The following CDH1 variants were observed in gnomAD, a reference collection of about 807,000 sequenced individuals.
CDH1 encodes cadherin-1.
CDH1 carries 35 observed loss-of-function variants against 84.5 expected under a neutral mutation model. The observed-to-expected ratio is 0.41, with a 90% CI of 0.32 to 0.55. The LOEUF is 0.55. Among genes scored for constraint, CDH1 ranks in the 20% least tolerant of loss-of-function variants. CDH1 has a pLI of 0.19. For missense variants in CDH1, 994 were observed against 1,126.6 expected (o/e 0.88, Z 1.68); for synonymous variants, 417 against 439.0 (o/e 0.95, Z 0.63).
At chr16:68,818,094 G>C (rs12598345) in intron 10 of CDH1, among the ~76,000 whole-genome samples, 3 of 151,700 alleles carry the variant, frequency 2.0e-5, no homozygotes, top group African/African-American at 7.3e-5. Flanking sequence ...CAAAAAATTA[G>C]CCGGGCGTGG....
At chr16:68,816,190 G>C (rs1960982970) in intron 10 of CDH1, among the ~76,000 whole-genome samples, 2 of 152,210 alleles carry the variant, frequency 1.3e-5, no homozygotes, top group African/African-American at 2.4e-5. Flanking sequence ...GCTAATTTTT[G>C]TATTTTTAGT....
chr16:68,801,889 A>G lies in CDH1; in HGVS notation c.383A>G (p.His128Arg), dbSNP rs1960525322. 6.2e-7 allele frequency: 1 copy of G among 1,613,180 alleles called. No homozygotes were observed. Among genetic ancestry groups the G allele is most frequent in the Non-Finnish European group, 8.5e-7 (1 of 1,179,204 alleles). Residue 128 changes from histidine (H) to arginine (R), a missense_variant, in exon 3 of 16, where the codon CAT becomes CGT. By Grantham distance (29) the His-to-Arg change is conservative (BLOSUM62 0). Coordinates refer to ENST00000261769, the MANE Select transcript of CDH1 (RefSeq NM_004360.5). ...TVGHHHRPPP[H>R]QASVSGIQAE... ...GGGCACCACCACCGCCCCCCGCCCC[A>G]TCAGGTATGTTGGCATTTTTCTGAG...
At chr16:68,748,106 ATTTACTTTT>A (rs901759873) in intron 2 of CDH1, among the ~76,000 whole-genome samples, 1 of 112,386 alleles carries the variant, frequency 8.9e-6, no homozygotes, top group Non-Finnish European at 1.8e-5. Context: ...TTTAAAAATT[ATTTACTTTT>A]TTTTTTTTTT....
At chr16:68,810,826 A>G (rs958304196) in intron 6 of CDH1, among the ~76,000 whole-genome samples, 1 of 151,438 alleles carries the variant, frequency 6.6e-6, no homozygotes, top group African/African-American at 2.4e-5. Context: ...AGATCACGCC[A>G]CTGCACTCCA....
chr16:68,798,789 G>A (rs1482518745), intron 2 of CDH1, among the ~76,000 whole-genome samples: 1 of 152,046 alleles, frequency 6.6e-6, no homozygotes, highest in Non-Finnish European at 1.5e-5. Flanking sequence ...GGTGGGGGAG[G>A]ACTCTTTGAA....
chr16:68,787,024 A>G (rs1960069980), intron 2 of CDH1, among the ~76,000 whole-genome samples: 3 of 152,176 alleles, frequency 2.0e-5, no homozygotes, highest in African/African-American at 7.2e-5. Flanking sequence ...AATGATTCAA[A>G]GGTTCTGAAT....
In CDH1 at chr16:68,819,379, C is replaced by T. The variant is rs559270110; in HGVS notation, c.1665C>T (p.His555=). 5 of 1,613,946 alleles carry T rather than the reference C, an allele frequency of 3.1e-6. No homozygotes were observed. The highest frequency in any genetic ancestry group is 4.2e-6 in the Non-Finnish European group (5 of 1,180,024). ...AGCTGGACAGGGAGGATTTTGAGCA[C>T]GTGAAGAACAGCACGTACACAGCCC... ...RAELDREDFE[H]VKNSTYTALI... is the part of the protein sequence containing the mutation. The change falls in exon 11 of 16, where the codon CAC becomes CAT. Residue 555 remains histidine (H), a synonymous_variant. Transcript: ENST00000261769.
rs774601444 is a variant in CDH1 at position 68,808,416 on chromosome 16, C to T, written c.388-8C>T. 2.8e-5 allele frequency: 45 copies of T among 1,614,028 alleles called. No homozygotes were observed. The highest frequency in any genetic ancestry group is 3.6e-5 in the Non-Finnish European group (43 of 1,180,000). ...TCTTATCTTGTTCCTCATCTTCTTT[C>T]CTTTTAGGCCTCCGTTTCTGGAATC... On this transcript the variant is annotated splice_polypyrimidine_tract_variant and splice_region_variant and intron_variant, in intron 3 of 15. Transcript: ENST00000261769.
chr16:68,825,774 C>T (rs914226580), intron 13 of CDH1, among the ~76,000 whole-genome samples: 8 of 147,314 alleles, frequency 5.4e-5, no homozygotes, highest in Non-Finnish European at 1.0e-4. Flanking sequence ...ATAGTGGTTA[C>T]TGACCAGTAC....
chr16:68,821,919 G>T, intron 11 of CDH1, 82 bp from the exon 12 acceptor site: 5 of 1,110,056 alleles, frequency 4.5e-6, no homozygotes, highest in Non-Finnish European at 6.9e-6. Flanking sequence ...GCCAGGACAA[G>T]ATCTAGACTT....
chr16:68,760,938 G>A (rs1959215346), intron 2 of CDH1, among the ~76,000 whole-genome samples: 2 of 152,160 alleles, frequency 1.3e-5, no homozygotes, highest in Admixed American at 6.5e-5. Flanking sequence ...AGCCTAGAGA[G>A]GTGGGGGCGG....
At chr16:68,782,630 G>A (rs1161814703) in intron 2 of CDH1, among the ~76,000 whole-genome samples, 4 of 152,182 alleles carry the variant, frequency 2.6e-5, no homozygotes, top group African/African-American at 7.2e-5. Context: ...TTGAGGGGGC[G>A]TTCAGGAGGC....
At position 68,813,243 on chromosome 16, in the gene CDH1, T is replaced by C; in HGVS notation, c.1138-70T>C. ...GAACAACAAAAAAAGAGGAATCCTT[T>C]AGCCCCCTGAGACTCAGCTCTGCTA... On this transcript the variant is annotated intron_variant, in intron 8 of 15. Transcript: ENST00000261769. The C allele has an allele frequency of 2.1e-6, 3 of 1,459,384 alleles. No individual in the cohort carries two copies. In the South Asian group the frequency reaches 3.4e-5, roughly 17 times the overall value. 90.4% of individuals were successfully genotyped at this position (1,459,384 alleles called of 1,614,324 possible). A position where few individuals can be genotyped will look rare whatever the true frequency, so the allele number is the denominator to read the frequency against.
At chr16:68,762,070 C>T (rs1959234914) in intron 2 of CDH1, among the ~76,000 whole-genome samples, 1 of 152,214 alleles carries the variant, frequency 6.6e-6, no homozygotes, top group Non-Finnish European at 1.5e-5. Flanking sequence ...GAGCTGAGCA[C>T]AGAGGTCTGG....
chr16:68,760,571 C>G (rs1157823681), intron 2 of CDH1, among the ~76,000 whole-genome samples: 1 of 152,116 alleles, frequency 6.6e-6, no homozygotes. Flanking sequence ...CATTCTTTCT[C>G]TTTAATCTGG....
chr16:68,802,030 T>C, intron 3 of CDH1, 137 bp downstream of exon 3: 1 of 764,624 alleles, frequency 1.3e-6, no homozygotes, highest in Admixed American at 2.0e-5. Flanking sequence ...CTGTGTAGGA[T>C]GTTTAGCAAG....
At chr16:68,818,202 T>C (rs1355528492) in intron 10 of CDH1, among the ~76,000 whole-genome samples, 2 of 141,650 alleles carry the variant, frequency 1.4e-5, no homozygotes, top group African/African-American at 5.5e-5. Context: ...ATCACGCCAC[T>C]GTACTCCAGC....
intron 2 of CDH1, among the ~76,000 whole-genome samples, chr16:68,786,037 G>T (rs1456833674): frequency 1.3e-5 from 2 of 152,194 alleles, no homozygotes; most frequent in Non-Finnish European, 2.9e-5. Context: ...CCTTGTGGTG[G>T]TAGCAACAGT....
intron 3 of CDH1, among the ~76,000 whole-genome samples, chr16:68,803,375 G>T (rs1392068530): frequency 6.6e-6 from 1 of 152,120 alleles, no homozygotes; most frequent in Admixed American, 6.6e-5. Context: ...GCAGCTGTGT[G>T]TGGAAGCCTC....
Sources: allele counts gnomAD v4.1 joint callset (sites outside exome capture counted in the v4.1 genomes callset), GRCh38; gene constraint gnomAD v4.1.1; transcripts MANE v1.5; gene names NCBI Gene and HGNC (gene_info 2026-07-23, HGNC 2026-07-21).